Variants in FGGY observed in about 807,000 individuals in gnomAD.
FGGY encodes FGGY carbohydrate kinase domain-containing protein.
In FGGY, 72 loss-of-function variants were observed where a neutral mutation model predicts 71.3. The ratio of observed to expected loss-of-function variants is 1.01; its 90% CI spans 0.84 to 1.23. The LOEUF (loss-of-function observed/expected upper bound fraction) is 1.23, where lower values mean the gene tolerates loss of function less well. Among genes scored for constraint, FGGY ranks in the 50% most tolerant of loss-of-function variants. The probability of loss-of-function intolerance (pLI) is 0.00; values close to 1 mark genes in which losing one functional copy is unlikely to be tolerated. For synonymous variants in FGGY, 251 were observed against 250.3 expected (o/e 1.00, Z -0.02); for missense variants, 668 against 682.3 (o/e 0.98, Z 0.23).
intron 14 of FGGY, among the ~76,000 whole-genome samples, chr1:59,744,640 A>G (rs2098179772): frequency 6.6e-6 from 1 of 152,236 alleles, no homozygotes; most frequent in African/African-American, 2.4e-5. Context: ...GGCAGGAAAT[A>G]CCAAAAAGTA....
chr1:59,439,047 C>T (rs905052153), intron 5 of FGGY, among the ~76,000 whole-genome samples: 1 of 152,110 alleles, frequency 6.6e-6, no homozygotes, highest in African/African-American at 2.4e-5. Flanking sequence ...ACTTGACAGC[C>T]CAACTGGATG....
intron 5 of FGGY, among the ~76,000 whole-genome samples, chr1:59,431,181 A>G (rs1018395993): frequency 6.6e-5 from 10 of 152,122 alleles, no homozygotes; most frequent in African/African-American, 2.2e-4. Flanking sequence ...CCAAAACAGT[A>G]CTTCATACAT....
intron 8 of FGGY, among the ~76,000 whole-genome samples, chr1:59,583,818 G>A (rs1198827080): frequency 7.0e-6 from 1 of 142,164 alleles, no homozygotes; most frequent in African/African-American, 2.8e-5. Context: ...GGAGTGAGAG[G>A]TCCAAATTCA....
intron 14 of FGGY, among the ~76,000 whole-genome samples, chr1:59,701,951 A>G (rs942245350): frequency 1.3e-5 from 2 of 152,192 alleles, no homozygotes; most frequent in African/African-American, 4.8e-5. Context: ...ACACTGCTAT[A>G]AAGATACTAC....
intron 11 of FGGY, among the ~76,000 whole-genome samples, chr1:59,654,190 A>G (rs1386965369): frequency 6.6e-6 from 1 of 152,238 alleles, no homozygotes; most frequent in Non-Finnish European, 1.5e-5. Context: ...GATTCCAGAC[A>G]CTTACTGACA....
At chr1:59,692,345 A>C (rs796161740) in intron 14 of FGGY, among the ~76,000 whole-genome samples, 111 of 152,298 alleles carry the variant, frequency 7.3e-4, no homozygotes, top group African/African-American at 2.6e-3. Flanking sequence ...TTTATTATAT[A>C]AAATTCTCAA....
chr1:59,319,636 T>G (rs1021298837), intron 1 of FGGY, among the ~76,000 whole-genome samples: 2 of 152,148 alleles, frequency 1.3e-5, no homozygotes, highest in Non-Finnish European at 2.9e-5. Context: ...TAGGAAGGGA[T>G]GAGCAAAGGA....
At chr1:59,347,883 G>A (rs2153222116) in intron 4 of FGGY, among the ~76,000 whole-genome samples, 1 of 152,276 alleles carries the variant, frequency 6.6e-6, no homozygotes, top group South Asian at 2.1e-4. Flanking sequence ...TACCATTCAG[G>A]ACATAGGTAT....
At chr1:59,405,467 C>T (rs2062591667) in intron 5 of FGGY, among the ~76,000 whole-genome samples, 1 of 152,054 alleles carries the variant, frequency 6.6e-6, no homozygotes, top group Non-Finnish European at 1.5e-5. Context: ...CAGGTAAAAC[C>T]TGACAAAAAG....
chr1:59,401,132 G>A (rs1232888941), intron 5 of FGGY, among the ~76,000 whole-genome samples: 2 of 152,006 alleles, frequency 1.3e-5, no homozygotes, highest in Non-Finnish European at 2.9e-5. Context: ...TTAGTGTTCG[G>A]TTTAACTATT....
chr1:59,674,225 C>A, intron 14 of FGGY, 92 bp downstream of exon 14: 1 of 886,654 alleles, frequency 1.1e-6, no homozygotes, highest in Non-Finnish European at 1.8e-6. Context: ...AAAATACACA[C>A]AGGATATAAT....
intron 8 of FGGY, among the ~76,000 whole-genome samples, chr1:59,592,894 C>T (rs1245311625): frequency 6.6e-6 from 1 of 152,008 alleles, no homozygotes; most frequent in Non-Finnish European, 1.5e-5. Flanking sequence ...ATATAACTAA[C>T]CGGCACATTG....
intron 5 of FGGY, among the ~76,000 whole-genome samples, chr1:59,383,179 T>A (rs569026764): frequency 1.3e-5 from 2 of 152,306 alleles, no homozygotes; most frequent in South Asian, 4.1e-4. Context: ...GTATAGGAAT[T>A]ACCTGAATGA....
rs1044886691 is a variant in FGGY, at chr1:59,425,271, G to T, written c.555-31690G>T. On this transcript the variant is annotated intron_variant, in intron 5 of 15. Coordinates refer to ENST00000303721, the MANE Select transcript of FGGY (RefSeq NM_018291.5). ...TAGTAACATTTGATTAAATTTGCAT[G>T]ATTATTATATTGGCACATAACAATT... 7.9e-5 allele frequency among the ~76,000 whole-genome samples: 12 copies of T among 152,156 alleles called. 1 individual carries two copies. Among genetic ancestry groups the T allele is most frequent in the Non-Finnish European group, 1.6e-4 (11 of 68,048 alleles).
At chr1:59,390,037 A>G (rs1288403128) in intron 5 of FGGY, among the ~76,000 whole-genome samples, 1 of 152,158 alleles carries the variant, frequency 6.6e-6, no homozygotes, top group Admixed American at 6.5e-5. Context: ...TTGAAGGATG[A>G]TTTCTCAGAA....
intron 7 of FGGY, among the ~76,000 whole-genome samples, chr1:59,533,066 G>C (rs1003461579): frequency 1.3e-5 from 2 of 152,176 alleles, no homozygotes. Flanking sequence ...CACAGCAGAC[G>C]GTGATTTCTG....
At chr1:59,638,683 A>T (rs1413315556) in intron 11 of FGGY, among the ~76,000 whole-genome samples, 1 of 152,230 alleles carries the variant, frequency 6.6e-6, no homozygotes, top group African/African-American at 2.4e-5. Context: ...TTGTAAAGTC[A>T]AATTTTCCAG....
chr1:59,375,474 C>A (rs577511856), intron 4 of FGGY, among the ~76,000 whole-genome samples: 6 of 152,176 alleles, frequency 3.9e-5, no homozygotes, highest in Non-Finnish European at 8.8e-5. Context: ...CATGTGCATA[C>A]TTAAGAGTAC....
intron 8 of FGGY, among the ~76,000 whole-genome samples, chr1:59,570,627 G>C (rs2095968954): frequency 6.6e-6 from 1 of 152,116 alleles, no homozygotes; most frequent in Non-Finnish European, 1.5e-5. Flanking sequence ...TTGTAGTTCT[G>C]TGCAGACAAA....
Sources: allele counts gnomAD v4.1 joint callset (sites outside exome capture counted in the v4.1 genomes callset), GRCh38; gene constraint gnomAD v4.1.1; transcripts MANE v1.5; gene names NCBI Gene and HGNC (gene_info 2026-07-23, HGNC 2026-07-21).